Variants in ZNF592 observed in about 807,000 individuals in gnomAD.
The protein encoded by ZNF592 is spinocerebellar ataxia, autosomal recessive 5.
A neutral mutation model predicts 80.3 loss-of-function variants in ZNF592; 11 were observed. The ratio of observed to expected loss-of-function variants is 0.14; its 90% confidence interval spans 0.09 to 0.23. The LOEUF is 0.23. ZNF592 is among the 10% of genes least tolerant of loss of function. The pLI is 1.00. For missense variants in ZNF592, 1,420 were observed against 1,633.9 expected (o/e 0.87, Z 2.26); for synonymous variants, 646 against 640.3 (o/e 1.01, Z -0.13).
chr15:84,790,917 C>T (rs1488596162), intron 5 of ZNF592, 34 bp downstream of exon 5: 1 of 1,613,536 alleles, frequency 6.2e-7, no homozygotes, highest in Admixed American at 1.7e-5. Context: ...CCTGGTATTG[C>T]CCAATGGCTG....
intron 4 of ZNF592, among the ~76,000 whole-genome samples, chr15:84,786,763 A>C (rs112359003): frequency 1.0e-4 from 15 of 150,714 alleles, no homozygotes; most frequent in African/African-American, 3.7e-4. Context: ...ATCTGAGTCA[A>C]GGGGCCATGA....
At chr15:84,772,182 C>T (rs912925894) in intron 2 of ZNF592, among the ~76,000 whole-genome samples, 3 of 152,112 alleles carry the variant, frequency 2.0e-5, no homozygotes, top group Non-Finnish European at 4.4e-5. Flanking sequence ...TCTGTTTCCT[C>T]TGATCCTACT....
At chr15:84,764,437 A>G (rs1369029498) in intron 1 of ZNF592, among the ~76,000 whole-genome samples, 3 of 152,228 alleles carry the variant, frequency 2.0e-5, no homozygotes, top group Admixed American at 6.5e-5. Flanking sequence ...TCTCAAGGCT[A>G]GTAAGTAGTA....
At position 84,783,691 on chromosome 15, in the gene ZNF592, C is replaced by G; in HGVS notation, c.1016C>G (p.Thr339Ser). ...PKSPRSPLEATRKSIKPSDSP... is the reference protein window; with the variant it reads ...PKSPRSPLEASRKSIKPSDSP... ...AGTCCCCGGAGCCCTCTGGAGGCCA[C>G]TAGAAAAAGTATCAAGCCATCGGAC... Residue 339 changes from threonine (T) to serine (S), a missense_variant, in exon 4 of 11, where the codon ACT becomes AGT. Physicochemically the swap from Thr to Ser is moderately conservative, Grantham distance 58. Transcript: ENST00000560079. This position sits in a 1 kb window ranked among gnomAD's most constrained non-coding sequence, Gnocchi z 5.0. 1 of 1,614,222 alleles carries G rather than the reference C, an allele frequency of 6.2e-7. No individual in the cohort carries two copies. The highest frequency in any genetic ancestry group is 8.5e-7 in the Non-Finnish European group (1 of 1,180,044).
chr15:84,778,296 C>T lies in ZNF592; in HGVS notation c.-36C>T. The T allele has an allele frequency of 3.6e-6, 1 of 277,192 alleles. No homozygotes were observed. The highest frequency in any genetic ancestry group is 7.2e-6 in the Non-Finnish European group (1 of 138,292). 17.2% of individuals were successfully genotyped at this position (277,192 alleles called of 1,614,324 possible). ...AGCCGAAAGAGGAGGTCCCTACCTG[C>T]CACGGATACCAGTCAGGTACACATG... is the stretch of plus-strand genomic sequence containing the variant. On this transcript the variant is annotated 5_prime_UTR_variant, in exon 3 of 11. Coordinates refer to ENST00000560079, the MANE Select transcript of ZNF592 (RefSeq NM_014630.3).
rs1234892458 is a variant in ZNF592, at chr15:84,783,535, C to T, written c.860C>T (p.Ala287Val). Residue 287 changes from alanine (A) to valine (V), a missense_variant, in exon 4 of 11, where the codon GCC (alanine) becomes GTC (valine). This residue lies in a region of ZNF592 where 373 missense variants were observed against 355.5 expected (regional missense o/e 1.05). Coordinates refer to ENST00000560079, the MANE Select transcript of ZNF592 (RefSeq NM_014630.3). This position sits in a 1 kb window ranked among gnomAD's most constrained non-coding sequence, Gnocchi z 5.0. ...AHSKLSSCVA[A>V]LVALQAKRVA... ...TCCAAGCTGTCCTCTTGTGTGGCAG[C>T]CTTGGTGGCCTTGCAGGCCAAAAGA... 1.9e-6 allele frequency: 3 copies of T among 1,614,204 alleles called. No homozygotes were observed. The highest frequency in any genetic ancestry group is 2.2e-5 in the South Asian group (2 of 91,086).
At position 84,783,148 on chromosome 15, in the gene ZNF592, T is replaced by G. The variant is rs747381450; in HGVS notation, c.473T>G (p.Phe158Cys). Reference sequence around the variant, plus strand: ...GAGGATCCCATCAAAGATAACGGATTTGGGATAAAGCCCAAACACTCTGAC... The same window carrying G: ...GAGGATCCCATCAAAGATAACGGATGTGGGATAAAGCCCAAACACTCTGAC... ...EPEDPIKDNG[F>C]GIKPKHSDSY... is the part of the protein sequence containing the mutation. The change falls in exon 4 of 11, where the codon TTT (phenylalanine) becomes TGT (cysteine). Residue 158 changes from phenylalanine (F) to cysteine (C), a missense_variant. This residue lies in a region of ZNF592 where 373 missense variants were observed against 355.5 expected (regional missense o/e 1.05). Transcript: ENST00000560079. The surrounding 1 kb of genome is among the most constrained non-coding windows in gnomAD (Gnocchi z 5.0). The G allele has an allele frequency of 6.2e-7, 1 of 1,614,150 alleles. No individual in the cohort carries two copies. Among genetic ancestry groups the G allele is most frequent in the South Asian group, 1.1e-5 (1 of 91,088 alleles).
chr15:84,791,383 G>C (rs1467925698), intron 5 of ZNF592, among the ~76,000 whole-genome samples: 1 of 152,152 alleles, frequency 6.6e-6, no homozygotes, highest in Non-Finnish European at 1.5e-5. Context: ...TGGAAAAAAG[G>C]ATCAGCCTCT....
At chr15:84,790,911 G>A (rs768452832) in intron 5 of ZNF592, 28 bp downstream of exon 5, 38 of 1,613,888 alleles carry the variant, frequency 2.4e-5, no homozygotes, top group Middle Eastern at 1.7e-4. Context: ...TGCTGTCCTG[G>A]TATTGCCCAA....
At chr15:84,795,360 T>C (rs956654140) in intron 5 of ZNF592, among the ~76,000 whole-genome samples, 8 of 152,264 alleles carry the variant, frequency 5.3e-5, no homozygotes, top group African/African-American at 1.7e-4. Context: ...CGGTGTCATA[T>C]GGTTGGCACT....
intron 2 of ZNF592, among the ~76,000 whole-genome samples, chr15:84,765,535 G>GTTTTTT (rs71453265): frequency 1.1e-3 from 101 of 92,288 alleles, no homozygotes; most frequent in Non-Finnish European, 1.2e-3. Context: ...TGTTATTATT[G>GTTTTTT]TTTTTTTTTT....
chr15:84,751,776 G>A (rs1215030428), intron 1 of ZNF592, among the ~76,000 whole-genome samples: 7 of 151,974 alleles, frequency 4.6e-5, no homozygotes, highest in South Asian at 2.1e-4. Context: ...ATGGTGGCAC[G>A]CGCCTGTAGT....
chr15:84,779,110 G>C (rs142898767), intron 3 of ZNF592, among the ~76,000 whole-genome samples: 1 of 152,220 alleles, frequency 6.6e-6, no homozygotes, highest in Admixed American at 6.5e-5. Context: ...AGCCGAAAGA[G>C]GAGGTCCCTC....
chr15:84,764,428 C>T (rs1445547347), intron 1 of ZNF592, among the ~76,000 whole-genome samples: 1 of 152,164 alleles, frequency 6.6e-6, no homozygotes, highest in East Asian at 1.9e-4. Flanking sequence ...TCCCCCAGGT[C>T]TCAAGGCTAG....
intron 2 of ZNF592, among the ~76,000 whole-genome samples, chr15:84,766,432 G>C (rs1899522598): frequency 6.6e-6 from 1 of 152,162 alleles, no homozygotes; most frequent in African/African-American, 2.4e-5. Context: ...TGCCATGCTG[G>C]ATTGTTGGTG....
At position 84,778,220 on chromosome 15, in the gene ZNF592, A is replaced by G; in HGVS notation, c.-112A>G. The G allele has an allele frequency of 5.1e-6, 1 of 195,888 alleles. No individual in the cohort carries two copies. The highest frequency in any genetic ancestry group is 1.0e-5 in the Non-Finnish European group (1 of 96,120). 12.1% of individuals were successfully genotyped at this position (195,888 alleles called of 1,614,324 possible). A position where few individuals can be genotyped will look rare whatever the true frequency, so the allele number is the denominator to read the frequency against. On this transcript the variant is annotated 5_prime_UTR_variant, in exon 3 of 11. Coordinates refer to ENST00000560079, the MANE Select transcript of ZNF592 (RefSeq NM_014630.3). Reference sequence around the variant, plus strand: ...TAATAGGCAAGAAGGAAGGGAGAAGACAGAAGGAAGACGCTCCCCCGTACG... The same window carrying G: ...TAATAGGCAAGAAGGAAGGGAGAAGGCAGAAGGAAGACGCTCCCCCGTACG...
rs992365794 is a variant in ZNF592 at position 84,796,865 on chromosome 15, C to T, written c.2400-1004C>T. 7.9e-5 allele frequency among the ~76,000 whole-genome samples: 12 copies of T among 152,066 alleles called. No individual in the cohort carries two copies. The South Asian group carries it at 8.3e-4, about 11-fold the overall frequency. ...TATAGTACCAGCCATTTGTGGCTAC[C>T]GGGTGCTTGAAATGTGGCCAGTGCA... On this transcript the variant is annotated intron_variant, in intron 5 of 10. Coordinates refer to ENST00000560079, the MANE Select transcript of ZNF592 (RefSeq NM_014630.3).
intron 4 of ZNF592, among the ~76,000 whole-genome samples, chr15:84,788,820 A>C (rs1006917267): frequency 1.3e-5 from 2 of 152,186 alleles, no homozygotes; most frequent in African/African-American, 2.4e-5. Context: ...TAGGTATCTC[A>C]TACAAGTGGA....
At chr15:84,797,807 C>T (rs1345048649) in intron 5 of ZNF592, 62 bp from the exon 6 acceptor site, 1 of 1,588,276 alleles carries the variant, frequency 6.3e-7, no homozygotes, top group Non-Finnish European at 8.6e-7. Context: ...CTTGCAGCAC[C>T]ACCTCTGGGT....
Sources: allele counts gnomAD v4.1 joint callset (sites outside exome capture counted in the v4.1 genomes callset), GRCh38; gene constraint gnomAD v4.1.1; regional missense constraint gnomAD v4.1.1; non-coding constraint Gnocchi (gnomAD v3.1); transcripts MANE v1.5; gene names NCBI Gene and HGNC (gene_info 2026-07-23, HGNC 2026-07-21).